CCDC148: variants seen among roughly 807,000 people sequenced by gnomAD.
The protein encoded by CCDC148 is coiled-coil domain-containing protein 148.
Under a neutral mutation model 85.7 loss-of-function variants are expected in CCDC148, and 89 were observed. The observed-to-expected ratio is 1.04, with a 90% CI of 0.87 to 1.24. The LOEUF is 1.24. CCDC148 is among the 50% of genes most tolerant of loss of function. The pLI, the probability that CCDC148 is intolerant of heterozygous loss-of-function variation, is 0.00. For missense variants in CCDC148, 692 were observed against 671.7 expected (o/e 1.03, Z -0.33); for synonymous variants, 230 against 213.9 (o/e 1.08, Z -0.66).
chr2:158,293,347 T>C (rs1234143917), intron 9 of CCDC148, among the ~76,000 whole-genome samples: 1 of 152,222 alleles, frequency 6.6e-6, no homozygotes, highest in Non-Finnish European at 1.5e-5. Context: ...GCACACTAGG[T>C]TGCACCATAT....
chr2:158,274,839 A>G (rs1471802062), intron 9 of CCDC148, among the ~76,000 whole-genome samples: 1 of 152,228 alleles, frequency 6.6e-6, no homozygotes, highest in Non-Finnish European at 1.5e-5. Context: ...ATGTGGGAGA[A>G]TACTACTATA....
At chr2:158,276,094 G>C (rs935568830) in intron 9 of CCDC148, among the ~76,000 whole-genome samples, 1 of 152,150 alleles carries the variant, frequency 6.6e-6, no homozygotes, top group African/African-American at 2.4e-5. Context: ...CTTTTCAAGA[G>C]TCTTCTCAGG....
intron 11 of CCDC148, among the ~76,000 whole-genome samples, chr2:158,215,725 C>T (rs926120570): frequency 2.0e-5 from 3 of 152,102 alleles, no homozygotes; most frequent in Non-Finnish European, 4.4e-5. Flanking sequence ...TTTGTACATA[C>T]ATAAATGCTT....
intron 13 of CCDC148, 54 bp downstream of exon 13, chr2:158,176,467 A>G (rs1354915297): frequency 1.3e-6 from 2 of 1,570,916 alleles, no homozygotes; most frequent in African/African-American, 2.7e-5. Flanking sequence ...ACACTTCTAC[A>G]GTCCTTACCA....
intron 11 of CCDC148, among the ~76,000 whole-genome samples, chr2:158,190,868 A>C (rs1449150930): frequency 6.6e-6 from 1 of 151,976 alleles, no homozygotes; most frequent in Non-Finnish European, 1.5e-5. Flanking sequence ...AAATTCTCAT[A>C]AGACACATAA....
At chr2:158,236,934 A>G (rs1441554196) in intron 10 of CCDC148, among the ~76,000 whole-genome samples, 1 of 152,148 alleles carries the variant, frequency 6.6e-6, no homozygotes, top group African/African-American at 2.4e-5. Context: ...CGGGAGTGAC[A>G]AGTGCTAAGG....
At chr2:158,399,743 C>G (rs1029006869) in intron 1 of CCDC148, among the ~76,000 whole-genome samples, 1 of 152,134 alleles carries the variant, frequency 6.6e-6, no homozygotes, top group Admixed American at 6.6e-5. Flanking sequence ...CTCTCCACTC[C>G]TATTCAACAT....
rs374571438 is a variant in CCDC148 at position 158,296,434 on chromosome 2, AT to A, written c.1110+12998del. ...ATTCTGTTCCACTAGACATGTTTAC[AT>A]TTTTTTAATGGCTATGTATTTATTT... On this transcript the variant is annotated intron_variant, in intron 9 of 13. Coordinates refer to ENST00000283233, the MANE Select transcript of CCDC148 (RefSeq NM_138803.4). Among the ~76,000 whole-genome samples the A allele has an allele frequency of 2.0e-4, 31 of 152,152 alleles. 1 individual carries two copies. The East Asian group carries it at 4.8e-3, about 24-fold the overall frequency.
chr2:158,279,700 C>T (rs950806683), intron 9 of CCDC148, among the ~76,000 whole-genome samples: 3 of 152,182 alleles, frequency 2.0e-5, no homozygotes, highest in Non-Finnish European at 4.4e-5. Context: ...GAAAAACACT[C>T]TGCAGGATAT....
rs750351972 is a variant in CCDC148 at position 158,339,132 on chromosome 2, T to G, written c.487-47A>C. ...TAGTAGGCAAATTATTGCAATTCATTCCATATTTATATTTAAAGACACAAT... is the reference window on the plus strand; with the variant it reads ...TAGTAGGCAAATTATTGCAATTCATGCCATATTTATATTTAAAGACACAAT... On this transcript the variant is annotated intron_variant, in intron 5 of 13. Transcript: ENST00000283233. 3 of 1,247,500 alleles carry G rather than the reference T, an allele frequency of 2.4e-6. No homozygotes were observed. In the Admixed American group the frequency reaches 5.2e-5, roughly 22 times the overall value. The allele number at this position is 1,247,500 out of a possible 1,614,324, so 77.3% of individuals were successfully genotyped here.
chr2:158,321,876 C>T (rs1397552132), intron 7 of CCDC148, among the ~76,000 whole-genome samples: 2 of 152,058 alleles, frequency 1.3e-5, no homozygotes, highest in African/African-American at 4.8e-5. Context: ...GCATAGATTT[C>T]TCTTTTGGCA....
intron 9 of CCDC148, among the ~76,000 whole-genome samples, chr2:158,296,056 A>T (rs1383937780): frequency 6.6e-6 from 1 of 152,194 alleles, no homozygotes; most frequent in Non-Finnish European, 1.5e-5. Context: ...TTATCTTAGC[A>T]GTGTCTTTCA....
At chr2:158,228,504 C>G (rs548828739) in intron 10 of CCDC148, among the ~76,000 whole-genome samples, 209 of 152,296 alleles carry the variant, frequency 1.4e-3, no homozygotes, top group Non-Finnish European at 2.4e-3. Context: ...AAGACACATG[C>G]ATACGTATGT....
intron 13 of CCDC148, among the ~76,000 whole-genome samples, chr2:158,175,918 C>T (rs1684558544): frequency 6.6e-6 from 1 of 152,036 alleles, no homozygotes. Context: ...ACCTTCCATC[C>T]CTCAATCCAT....
intron 7 of CCDC148, among the ~76,000 whole-genome samples, chr2:158,325,601 A>C (rs2105225354): frequency 6.6e-6 from 1 of 152,182 alleles, no homozygotes; most frequent in South Asian, 2.1e-4. Flanking sequence ...TGAATTCCAA[A>C]CCCATATAGC....
chr2:158,211,404 C>T (rs930727599), intron 11 of CCDC148, among the ~76,000 whole-genome samples: 2 of 152,062 alleles, frequency 1.3e-5, no homozygotes, highest in Non-Finnish European at 2.9e-5. Flanking sequence ...TAATGGTGGG[C>T]ATAAAGGGAT....
intron 1 of CCDC148, among the ~76,000 whole-genome samples, chr2:158,359,335 C>A (rs1437295858): frequency 6.6e-6 from 1 of 152,158 alleles, no homozygotes; most frequent in Non-Finnish European, 1.5e-5. Context: ...ATAGGAAGCT[C>A]TCAAATGATT....
intron 1 of CCDC148, among the ~76,000 whole-genome samples, chr2:158,364,133 A>G (rs1684094334): frequency 6.6e-6 from 1 of 152,264 alleles, no homozygotes; most frequent in South Asian, 2.1e-4. Flanking sequence ...AAGGAGAACT[A>G]CAAACCACTA....
chr2:158,387,514 G>A (rs1382467158), intron 1 of CCDC148, among the ~76,000 whole-genome samples: 1 of 151,838 alleles, frequency 6.6e-6, no homozygotes, highest in Non-Finnish European at 1.5e-5. Flanking sequence ...CTACACAGAT[G>A]CCTCCCTTAT....
Sources: gnomAD v4.1 joint callset for allele counts (sites outside exome capture counted in the v4.1 genomes callset) on GRCh38, gnomAD v4.1.1 for gene constraint, MANE v1.5 for transcripts, NCBI Gene and HGNC (gene_info 2026-07-23, HGNC 2026-07-21) for gene names.